The following MAML2 variants were observed in gnomAD, a reference collection of about 807,000 sequenced individuals.
The protein encoded by MAML2 is mastermind like transcriptional coactivator 2.
A neutral mutation model predicts 96.1 loss-of-function variants in MAML2; 22 were observed. That is an observed-to-expected ratio of 0.23 (90% CI 0.16 to 0.33). The LOEUF (loss-of-function observed/expected upper bound fraction) is 0.33, where lower values mean the gene tolerates loss of function less well. Ranked by LOEUF, MAML2 falls within the 10% of genes least tolerant of loss-of-function variation. The pLI, the probability that MAML2 is intolerant of heterozygous loss-of-function variation, is 1.00. For missense variants in MAML2, 1,367 were observed against 1,392.4 expected, an observed-to-expected ratio of 0.98 and a Z score of 0.29; for synonymous variants, 561 against 521.3, an observed-to-expected ratio of 1.08 and a Z score of -1.04.
intron 1 of MAML2, among the ~76,000 whole-genome samples, chr11:96,128,672 A>T (rs751062763): frequency 4.7e-4 from 72 of 152,164 alleles, no homozygotes; most frequent in Non-Finnish European, 9.0e-4. Context: ...TCAATTTACA[A>T]TTACCACTCT....
chr11:96,122,635 C>T (rs1860370889), intron 1 of MAML2, among the ~76,000 whole-genome samples: 1 of 152,060 alleles, frequency 6.6e-6, no homozygotes, highest in Admixed American at 6.6e-5. Flanking sequence ...ACTATCACAC[C>T]TGTAGGCTTT....
chr11:96,242,222 T>A (rs1862446926), intron 1 of MAML2, among the ~76,000 whole-genome samples: 1 of 152,260 alleles, frequency 6.6e-6, no homozygotes, highest in Non-Finnish European at 1.5e-5. Flanking sequence ...TATTTCATAT[T>A]ATATTTATGA....
chr11:96,243,654 T>C (rs1331897167), intron 1 of MAML2, among the ~76,000 whole-genome samples: 2 of 109,770 alleles, frequency 1.8e-5, no homozygotes, highest in Non-Finnish European at 4.1e-5. Flanking sequence ...TCCTTCTTTT[T>C]CTTTTTTTTT....
chr11:96,154,322 T>C (rs879693388), intron 1 of MAML2, among the ~76,000 whole-genome samples: 1 of 152,216 alleles, frequency 6.6e-6, no homozygotes, highest in Non-Finnish European at 1.5e-5. Context: ...AAAATGCAAC[T>C]GGAGGGCTCC....
chr11:96,278,055 A>G (rs371730814), intron 1 of MAML2, among the ~76,000 whole-genome samples: 2 of 152,136 alleles, frequency 1.3e-5, no homozygotes, highest in Non-Finnish European at 2.9e-5. Context: ...GGCAGAGTCC[A>G]GTAATTTGCA....
intron 1 of MAML2, among the ~76,000 whole-genome samples, chr11:96,240,520 C>T (rs563276721): frequency 1.1e-4 from 14 of 123,868 alleles, no homozygotes; most frequent in East Asian, 7.5e-4. Context: ...CACTGCAGTC[C>T]GCAGTCCGGC....
chr11:96,330,683 G>GGGC (rs1441570861), intron 1 of MAML2, among the ~76,000 whole-genome samples: 1 of 152,178 alleles, frequency 6.6e-6, no homozygotes, highest in African/African-American at 2.4e-5. Context: ...ACTTGTGTGT[G>GGGC]GGCAGTTGGT....
rs766283585 is a variant in MAML2, at chr11:96,341,728, T to A, written c.168A>T (p.Gly56=). 5 of 1,612,942 alleles carry A rather than the reference T, an allele frequency of 3.1e-6. No homozygotes were observed. The African/African-American group carries it at 6.7e-5, about 22-fold the overall frequency. The change falls in exon 1 of 5, where the codon GGA becomes GGT. Residue 56 remains glycine (G), a synonymous_variant. Coordinates refer to ENST00000524717, the MANE Select transcript of MAML2 (RefSeq NM_032427.4). ...TCTCGGCCCTACCTCGTTCATATCGTCCTTCACAGCTCAGGTGGTGTTGGC... is the reference window on the plus strand; with the variant it reads ...TCTCGGCCCTACCTCGTTCATATCGACCTTCACAGCTCAGGTGGTGTTGGC... ...VCRQHHLSCE[G]RYERGRAESS... is the part of the protein sequence containing the mutation.
At chr11:96,311,529 G>A (rs1863541228) in intron 1 of MAML2, among the ~76,000 whole-genome samples, 1 of 152,198 alleles carries the variant, frequency 6.6e-6, no homozygotes, top group Admixed American at 6.5e-5. Flanking sequence ...GATAGCTAGA[G>A]ATGGCGGTAC....
chr11:96,307,767 C>A (rs1863485170), intron 1 of MAML2, among the ~76,000 whole-genome samples: 1 of 152,130 alleles, frequency 6.6e-6, no homozygotes, highest in Non-Finnish European at 1.5e-5. Context: ...TTAGGGGTGC[C>A]AGTCTCTTCT....
chr11:96,254,103 C>T (rs766580775), intron 1 of MAML2, among the ~76,000 whole-genome samples: 6 of 152,176 alleles, frequency 3.9e-5, no homozygotes, highest in Non-Finnish European at 8.8e-5. Context: ...TATTTTAAAA[C>T]ACACAGGGGA....
intron 1 of MAML2, among the ~76,000 whole-genome samples, chr11:96,153,634 G>A (rs1385035819): frequency 6.6e-6 from 1 of 152,112 alleles, no homozygotes; most frequent in Non-Finnish European, 1.5e-5. Context: ...AATAGTGGCT[G>A]GGTGTGGTGG....
At chr11:96,255,185 T>C (rs1001663287) in intron 1 of MAML2, among the ~76,000 whole-genome samples, 32 of 152,344 alleles carry the variant, frequency 2.1e-4, no homozygotes, top group African/African-American at 7.7e-4. Flanking sequence ...CATAAAATCC[T>C]TTAATACCTT....
At chr11:95,986,610 G>A (rs532394447) in intron 3 of MAML2, among the ~76,000 whole-genome samples, 3 of 152,026 alleles carry the variant, frequency 2.0e-5, no homozygotes, top group South Asian at 2.1e-4. Context: ...TTTTACCTTC[G>A]CATAAACAAT....
chr11:96,026,918 T>C (rs1858533161), intron 2 of MAML2, among the ~76,000 whole-genome samples: 1 of 151,886 alleles, frequency 6.6e-6, no homozygotes, highest in African/African-American at 2.4e-5. Context: ...TCTAATCAAA[T>C]CTTCACTATA....
chr11:96,152,157 G>A (rs1422886765), intron 1 of MAML2, among the ~76,000 whole-genome samples: 2 of 152,180 alleles, frequency 1.3e-5, no homozygotes, highest in Non-Finnish European at 2.9e-5. Context: ...AGGGGTTTGA[G>A]GCTGCAATGA....
chr11:96,170,611 G>A lies in MAML2; in HGVS notation c.514-77094C>T, dbSNP rs1032380192. 7.2e-5 allele frequency among the ~76,000 whole-genome samples: 11 copies of A among 152,298 alleles called. No individual in the cohort carries two copies. The East Asian group carries it at 7.7e-4, about 11-fold the overall frequency. On this transcript the variant is annotated intron_variant, in intron 1 of 4. Coordinates refer to ENST00000524717, the MANE Select transcript of MAML2 (RefSeq NM_032427.4). Reference sequence around the variant, plus strand: ...CAAAGAAGGGGTAGATGTTTGATGCGTGGATTATCAGGCAGCAAAGGACAG... The same window carrying A: ...CAAAGAAGGGGTAGATGTTTGATGCATGGATTATCAGGCAGCAAAGGACAG...
At chr11:96,277,446 A>G (rs1375116388) in intron 1 of MAML2, among the ~76,000 whole-genome samples, 2 of 152,134 alleles carry the variant, frequency 1.3e-5, no homozygotes, top group Admixed American at 6.5e-5. Context: ...ACTGTATTCT[A>G]CTATCAAATA....
chr11:96,056,514 A>C (rs1859072902), intron 2 of MAML2, among the ~76,000 whole-genome samples: 1 of 152,150 alleles, frequency 6.6e-6, no homozygotes, highest in African/African-American at 2.4e-5. Flanking sequence ...AGCATCATGC[A>C]CATTCATGAA....
Sources: allele counts gnomAD v4.1 joint callset (sites outside exome capture counted in the v4.1 genomes callset), GRCh38; gene constraint gnomAD v4.1.1; transcripts MANE v1.5; gene names NCBI Gene and HGNC (gene_info 2026-07-23, HGNC 2026-07-21).